Variants in LRRTM4 observed in about 807,000 individuals in gnomAD.
LRRTM4 encodes leucine rich repeat transmembrane neuronal 4.
Under a neutral mutation model 47.6 loss-of-function variants are expected in LRRTM4, and 25 were observed. The observed-to-expected ratio is 0.53, with a 90% CI of 0.38 to 0.73. The LOEUF is 0.73. Ranked by LOEUF, LRRTM4 falls within the 30% of genes least tolerant of loss-of-function variation. LRRTM4 has a pLI of 0.00. For synonymous variants in LRRTM4, 311 were observed against 269.5 expected, an observed-to-expected ratio of 1.15 and a Z score of -1.51; for missense variants, 638 against 713.4, an observed-to-expected ratio of 0.89 and a Z score of 1.20.
chr2:77,348,897 T>C (rs1348839734), intron 3 of LRRTM4, among the ~76,000 whole-genome samples: 1 of 151,744 alleles, frequency 6.6e-6, no homozygotes, highest in Middle Eastern at 3.2e-3. Context: ...ATGAGAAAAT[T>C]AAATGAAAAG....
chr2:77,099,163 T>G (rs1346214019), intron 3 of LRRTM4, among the ~76,000 whole-genome samples: 11 of 151,978 alleles, frequency 7.2e-5, no homozygotes. Flanking sequence ...CACAACGGTA[T>G]GAATTCTCAT....
At chr2:76,773,285 G>A (rs1166183474) in intron 3 of LRRTM4, among the ~76,000 whole-genome samples, 1 of 152,206 alleles carries the variant, frequency 6.6e-6, no homozygotes, top group Admixed American at 6.5e-5. Flanking sequence ...ATGGCCTCCA[G>A]TAGTTTTTCA....
chr2:76,954,102 C>T (rs1354636979), intron 3 of LRRTM4, among the ~76,000 whole-genome samples: 1 of 151,824 alleles, frequency 6.6e-6, no homozygotes, highest in Non-Finnish European at 1.5e-5. Context: ...CTGAATGAAG[C>T]CAGTCCATAA....
intron 3 of LRRTM4, among the ~76,000 whole-genome samples, chr2:77,382,861 A>G (rs908094331): frequency 1.1e-4 from 16 of 152,094 alleles, no homozygotes; most frequent in African/African-American, 3.9e-4. Context: ...TTGGTGAAGG[A>G]CGAGCCATAC....
intron 3 of LRRTM4, among the ~76,000 whole-genome samples, chr2:76,823,353 T>C (rs1012130297): frequency 2.0e-5 from 3 of 151,462 alleles, no homozygotes; most frequent in Non-Finnish European, 4.4e-5. Flanking sequence ...TACATAATCA[T>C]GTAGAAATCA....
At chr2:77,175,897 G>T (rs1039650425) in intron 3 of LRRTM4, among the ~76,000 whole-genome samples, 1 of 151,690 alleles carries the variant, frequency 6.6e-6, no homozygotes. Flanking sequence ...GACCTCAAGT[G>T]ATCTGCCTGC....
intron 3 of LRRTM4, among the ~76,000 whole-genome samples, chr2:76,930,727 A>G (rs1674743224): frequency 6.6e-6 from 1 of 152,166 alleles, no homozygotes; most frequent in Non-Finnish European, 1.5e-5. Context: ...TAGTTTCCTC[A>G]CTAGATAAAG....
intron 3 of LRRTM4, among the ~76,000 whole-genome samples, chr2:77,499,326 G>GT (rs1365621913): frequency 6.6e-6 from 1 of 151,786 alleles, no homozygotes; most frequent in African/African-American, 2.4e-5. Context: ...TGTTTGTTTG[G>GT]TTTTGTCCAG....
At chr2:77,140,374 A>G (rs1672086305) in intron 3 of LRRTM4, among the ~76,000 whole-genome samples, 1 of 152,232 alleles carries the variant, frequency 6.6e-6, no homozygotes, top group Non-Finnish European at 1.5e-5. Flanking sequence ...AGGAATGGGA[A>G]AAGGATTCCC....
rs767404492 is a variant in LRRTM4 at position 76,748,721 on chromosome 2, T to C, written c.1747A>G (p.Ile583Val). ...ATIARSAAPA[I>V]YLERIAN ...TAGTTTGCAATTCTCTCTAGGTAGA[T>C]GGCCGGTGCTGCCGACCTGGCGATG... Residue 583 changes from isoleucine to valine, a missense_variant, in exon 4 of 4, where the codon ATC becomes GTC. By Grantham distance (29) the Ile-to-Val change is conservative (BLOSUM62 3). Transcript: ENST00000409884. 7 of 1,613,580 alleles carry C rather than the reference T, an allele frequency of 4.3e-6. No individual in the cohort carries two copies. Among genetic ancestry groups the C allele is most frequent in the Non-Finnish European group, 5.9e-6 (7 of 1,179,868 alleles).
At chr2:77,195,071 T>C (rs2103886927) in intron 3 of LRRTM4, among the ~76,000 whole-genome samples, 1 of 152,192 alleles carries the variant, frequency 6.6e-6, no homozygotes, top group African/African-American at 2.4e-5. Flanking sequence ...TCATTAATTT[T>C]AAAACAGAGG....
intron 3 of LRRTM4, among the ~76,000 whole-genome samples, chr2:77,180,163 C>G (rs568609865): frequency 6.6e-6 from 1 of 152,176 alleles, no homozygotes; most frequent in East Asian, 1.9e-4. Context: ...TTTCTGGGAA[C>G]CTTGATGGAC....
intron 3 of LRRTM4, among the ~76,000 whole-genome samples, chr2:77,089,673 G>A (rs1269218362): frequency 6.6e-6 from 1 of 151,414 alleles, no homozygotes; most frequent in African/African-American, 2.4e-5. Context: ...CTACTCCCCT[G>A]GCCTGTGTTC....
intron 3 of LRRTM4, among the ~76,000 whole-genome samples, chr2:77,057,063 G>T (rs1020263116): frequency 1.3e-5 from 2 of 152,216 alleles, no homozygotes; most frequent in African/African-American, 4.8e-5. Context: ...TACAATGACA[G>T]AGTACTGTAT....
intron 3 of LRRTM4, among the ~76,000 whole-genome samples, chr2:77,187,562 C>T (rs562343177): frequency 1.3e-5 from 2 of 151,796 alleles, no homozygotes; most frequent in Admixed American, 6.6e-5. Flanking sequence ...CAACATGGCA[C>T]GTGTATACAT....
intron 3 of LRRTM4, among the ~76,000 whole-genome samples, chr2:77,360,669 G>A (rs1488614405): frequency 6.6e-6 from 1 of 152,020 alleles, no homozygotes; most frequent in African/African-American, 2.4e-5. Flanking sequence ...CCTTAGTAGA[G>A]AGCAGCAGAG....
At chr2:77,131,806 T>C (rs1198656576) in intron 3 of LRRTM4, among the ~76,000 whole-genome samples, 1 of 152,188 alleles carries the variant, frequency 6.6e-6, no homozygotes. Context: ...CCTGAAGGAC[T>C]GTGTCTTACT....
intron 3 of LRRTM4, among the ~76,000 whole-genome samples, chr2:76,760,025 CTG>C (rs2104078580): frequency 6.6e-6 from 1 of 152,174 alleles, no homozygotes; most frequent in South Asian, 2.1e-4. Context: ...AAGTTTGCTG[CTG>C]TGTGTAGAAT....
At chr2:76,829,331 G>C (rs1671270720) in intron 3 of LRRTM4, among the ~76,000 whole-genome samples, 1 of 151,920 alleles carries the variant, frequency 6.6e-6, no homozygotes, top group Non-Finnish European at 1.5e-5. Flanking sequence ...AAAAGGGGAG[G>C]AGATGCAAGG....
Sources: allele counts gnomAD v4.1 joint callset (sites outside exome capture counted in the v4.1 genomes callset), GRCh38; gene constraint gnomAD v4.1.1; transcripts MANE v1.5; gene names NCBI Gene and HGNC (gene_info 2026-07-23, HGNC 2026-07-21).